The following PTBP2 variants were observed in gnomAD, a reference collection of about 807,000 sequenced individuals.
PTBP2 encodes polypyrimidine tract-binding protein 2.
Under a neutral mutation model 61.4 loss-of-function variants are expected in PTBP2, and 13 were observed. The observed-to-expected ratio is 0.21, with a 90% CI of 0.14 to 0.34. PTBP2 has a LOEUF of 0.34. Ranked by LOEUF, PTBP2 falls within the 10% of genes least tolerant of loss-of-function variation. The pLI is 1.00. For synonymous variants in PTBP2, 215 were observed against 218.5 expected, an observed-to-expected ratio of 0.98 and a Z score of 0.14; for missense variants, 405 against 642.6, an observed-to-expected ratio of 0.63 and a Z score of 4.00.
chr1:96,735,835 T>C (rs2100829039), intron 2 of PTBP2, among the ~76,000 whole-genome samples: 1 of 152,332 alleles, frequency 6.6e-6, no homozygotes, highest in Non-Finnish European at 1.5e-5. Context: ...AAATTTGAAA[T>C]GCTAAAGGCT....
chr1:96,742,662 C>CT (rs373120041), intron 2 of PTBP2, among the ~76,000 whole-genome samples: 10,510 of 119,974 alleles, frequency 0.088, 621 homozygotes, highest in African/African-American at 0.19. Context: ...ATAGCTTTGG[C>CT]TTTTTTTTTT....
chr1:96,791,833 T>TTGTTTTTTTTTTTGTTTTTTG (rs796100749), intron 8 of PTBP2, among the ~76,000 whole-genome samples: 2 of 131,478 alleles, frequency 1.5e-5, no homozygotes, highest in Non-Finnish European at 3.2e-5. Flanking sequence ...GTGCTTTTTT[T>TTGTTTTTTTTTTTGTTTTTTG]TTTTTTTTTT....
chr1:96,815,447 A>G (rs1323881209), downstream of PTBP2: 1 of 152,192 alleles, frequency 6.6e-6, no homozygotes. Context: ...AACTTAGAGT[A>G]ATTTGCATTT....
intron 8 of PTBP2, among the ~76,000 whole-genome samples, chr1:96,789,045 A>G (rs967762300): frequency 6.6e-6 from 1 of 152,090 alleles, no homozygotes; most frequent in Non-Finnish European, 1.5e-5. Context: ...ATTATAATGG[A>G]TCATTTTATC....
intron 1 of PTBP2, 149 bp downstream of exon 1, chr1:96,722,021 C>G: frequency 1.9e-6 from 2 of 1,041,510 alleles, no homozygotes; most frequent in Non-Finnish European, 2.8e-6. Flanking sequence ...ACACACCCCT[C>G]CCTTTGCTTC....
intron 5 of PTBP2, among the ~76,000 whole-genome samples, chr1:96,772,561 C>A (rs1207970142): frequency 6.6e-6 from 1 of 152,072 alleles, no homozygotes; most frequent in Non-Finnish European, 1.5e-5. Context: ...CATCATCACC[C>A]CTTCCCTGTT....
intron 8 of PTBP2, among the ~76,000 whole-genome samples, chr1:96,786,929 T>G (rs1659271090): frequency 6.6e-6 from 1 of 152,176 alleles, no homozygotes; most frequent in Non-Finnish European, 1.5e-5. Context: ...GTGGGAGGCT[T>G]GGTTAGAAGT....
At chr1:96,763,770 C>T (rs1021994317) in intron 3 of PTBP2, among the ~76,000 whole-genome samples, 1 of 152,084 alleles carries the variant, frequency 6.6e-6, no homozygotes, top group Non-Finnish European at 1.5e-5. Flanking sequence ...GTTTATTTAA[C>T]CTCCATGTAC....
At chr1:96,809,791 C>T (rs1041609692) in intron 11 of PTBP2, among the ~76,000 whole-genome samples, 6 of 151,830 alleles carry the variant, frequency 4.0e-5, no homozygotes, top group African/African-American at 1.5e-4. Context: ...GTACTATATA[C>T]AAATTAGATA....
At chr1:96,772,571 T>C (rs1203383109) in intron 5 of PTBP2, among the ~76,000 whole-genome samples, 1 of 152,144 alleles carries the variant, frequency 6.6e-6, no homozygotes, top group African/African-American at 2.4e-5. Context: ...CCTTCCCTGT[T>C]CACTCCTCCC....
intron 2 of PTBP2, among the ~76,000 whole-genome samples, chr1:96,740,346 A>G (rs986083590): frequency 1.3e-5 from 2 of 152,170 alleles, no homozygotes; most frequent in African/African-American, 2.4e-5. Context: ...TGTGCCTCAC[A>G]TGACCTTTTC....
At chr1:96,818,022 C>T (rs1662546938), downstream of PTBP2, 1 of 152,014 alleles carries the variant, frequency 6.6e-6, no homozygotes, top group Admixed American at 6.6e-5. Context: ...TCAGGTTTCT[C>T]TTAAGGATGT....
chr1:96,755,729 A>G (rs927473950), intron 3 of PTBP2, among the ~76,000 whole-genome samples: 2 of 152,196 alleles, frequency 1.3e-5, no homozygotes, highest in South Asian at 4.1e-4. Flanking sequence ...AAGATGGGAG[A>G]AAAAAAGACT....
At chr1:96,795,928 A>G (rs1660332289) in intron 8 of PTBP2, among the ~76,000 whole-genome samples, 1 of 152,158 alleles carries the variant, frequency 6.6e-6, no homozygotes, top group African/African-American at 2.4e-5. Flanking sequence ...TGTTGTGAGG[A>G]TTAAATGTGT....
intron 2 of PTBP2, among the ~76,000 whole-genome samples, chr1:96,736,684 T>C (rs1652237826): frequency 6.6e-6 from 1 of 152,102 alleles, no homozygotes; most frequent in African/African-American, 2.4e-5. Flanking sequence ...TTTTCCTCTT[T>C]TTTCCTTTCC....
chr1:96,771,103 A>G lies in PTBP2; in HGVS notation c.432+252A>G, dbSNP rs1321159631. ...TTTGTGTAGAAACTTATCAGGTAGG[A>G]TTTATTATTAGCATAAACTGTTTAT... On this transcript the variant is annotated intron_variant, in intron 5 of 13. Coordinates refer to ENST00000674951, the MANE Select transcript of PTBP2 (RefSeq NM_021190.4). 3.7e-5 allele frequency: 11 copies of G among 294,072 alleles called. No individual in the cohort carries two copies. In the East Asian group the frequency reaches 8.5e-4, roughly 23 times the overall value. The allele number at this position is 294,072 out of a possible 1,614,324, so 18.2% of individuals were successfully genotyped here.
chr1:96,748,451 G>A (rs1456497176), intron 2 of PTBP2, among the ~76,000 whole-genome samples: 2 of 151,888 alleles, frequency 1.3e-5, no homozygotes, highest in East Asian at 3.9e-4. Context: ...TTTTTAAGTG[G>A]TTTCTTTCTC....
At chr1:96,777,525 G>T (rs1658174331) in intron 5 of PTBP2, 60 bp from the exon 6 acceptor site, 2 of 1,449,284 alleles carry the variant, frequency 1.4e-6, no homozygotes, top group East Asian at 2.4e-5. Flanking sequence ...TAGTGTAACA[G>T]GTTGCAAAGT....
At chr1:96,779,556 C>T (rs988360317) in intron 7 of PTBP2, among the ~76,000 whole-genome samples, 3 of 151,974 alleles carry the variant, frequency 2.0e-5, no homozygotes, top group Non-Finnish European at 4.4e-5. Context: ...TTTGTTTAAT[C>T]TTCTGTGAAC....
Sources: allele counts gnomAD v4.1 joint callset (sites outside exome capture counted in the v4.1 genomes callset), GRCh38; gene constraint gnomAD v4.1.1; transcripts MANE v1.5; gene names NCBI Gene and HGNC (gene_info 2026-07-23, HGNC 2026-07-21).